Variants in ARID2 observed in about 807,000 individuals in gnomAD.
The protein encoded by ARID2 is AT-rich interaction domain 2, also known as AT-rich interactive domain-containing protein 2.
A neutral mutation model predicts 184.6 loss-of-function variants in ARID2; 32 were observed. That is an observed-to-expected ratio of 0.17 (90% CI 0.13 to 0.23). The LOEUF (loss-of-function observed/expected upper bound fraction) is 0.23. Ranked by LOEUF, ARID2 falls within the 10% of genes least tolerant of loss-of-function variation. The pLI is 1.00. For synonymous variants in ARID2, 836 were observed against 772.6 expected (o/e 1.08, Z -1.36); for missense variants, 1,696 against 2,197.6 (o/e 0.77, Z 4.56).
chr12:45,841,442 C>G (rs999695823), intron 11 of ARID2: 1 of 151,316 alleles, frequency 6.6e-6, no homozygotes, highest in South Asian at 2.1e-4. Flanking sequence ...ATTACTTGTG[C>G]TCTCCCTGAA....
intron 16 of ARID2, among the ~76,000 whole-genome samples, chr12:45,874,968 T>C (rs1000589337): frequency 6.6e-6 from 1 of 151,842 alleles, no homozygotes; most frequent in Non-Finnish European, 1.5e-5. Flanking sequence ...ACAAAAAAAA[T>C]AAAAAATAGG....
At chr12:45,778,782 A>G (rs2138035476) in intron 3 of ARID2, among the ~76,000 whole-genome samples, 2 of 152,158 alleles carry the variant, frequency 1.3e-5, no homozygotes, top group South Asian at 4.1e-4. Flanking sequence ...TTGGAAAATA[A>G]TGGGCTGTTT....
At chr12:45,789,336 T>A (rs913164454) in intron 3 of ARID2, 5 of 152,222 alleles carry the variant, frequency 3.3e-5, no homozygotes, top group African/African-American at 1.2e-4. Flanking sequence ...TCTTCAGATG[T>A]TAGCCTTCTA....
rs368570402 is a variant in ARID2 at position 45,891,760 on chromosome 12, A to T, written c.4923-20A>T. 2.5e-6 allele frequency: 4 copies of T among 1,608,168 alleles called. No individual in the cohort carries two copies. In the African/African-American group the frequency reaches 4.0e-5, roughly 16 times the overall value. ...TATACTTGAATACATCCAAGTGTCT[A>T]CTACTTTTATTTTTTATAGGTGGTT... is the stretch of plus-strand genomic sequence containing the variant. On this transcript the variant is annotated intron_variant, in intron 16 of 20. Transcript: ENST00000334344.
intron 3 of ARID2, among the ~76,000 whole-genome samples, chr12:45,757,712 G>T (rs909859418): frequency 1.8e-4 from 27 of 152,146 alleles, no homozygotes; most frequent in African/African-American, 6.5e-4. Context: ...AAAGTCTGAA[G>T]ATTATGAACC....
rs772792570 is a variant in ARID2 at position 45,851,988 on chromosome 12, C to G, written c.3865C>G (p.His1289Asp). ...SNGDTKENEM[H>D]VGSLLNGRKY... Reference sequence around the variant, plus strand: ...TGGGGATACAAAGGAAAATGAAATGCATGTGGGAAGTCTTTTAAATGGGAG... The same window carrying G: ...TGGGGATACAAAGGAAAATGAAATGGATGTGGGAAGTCTTTTAAATGGGAG... The change falls in exon 15 of 21, where the codon CAT (histidine) becomes GAT (aspartate). Residue 1289 changes from histidine (H) to aspartate (D), a missense_variant. Physicochemically the swap from His to Asp is moderately conservative, Grantham distance 81. This residue lies in a region of ARID2 where 428 missense variants were observed against 409.1 expected (regional missense o/e 1.05). Transcript: ENST00000334344. The G allele has an allele frequency of 2.2e-5, 36 of 1,613,968 alleles. No homozygotes were observed. Among genetic ancestry groups the G allele is most frequent in the Non-Finnish European group, 8.5e-6 (10 of 1,180,002 alleles).
chr12:45,736,610 G>A (rs1941130551), intron 3 of ARID2, among the ~76,000 whole-genome samples: 1 of 152,148 alleles, frequency 6.6e-6, no homozygotes, highest in South Asian at 2.1e-4. Context: ...AGGACATAGA[G>A]GATAAATGGA....
chr12:45,846,743 A>C (rs1943449422), intron 11 of ARID2, 113 bp from the exon 12 acceptor site: 1 of 856,252 alleles, frequency 1.2e-6, no homozygotes, highest in East Asian at 2.6e-5. Flanking sequence ...ATGTTTATAC[A>C]CCTTTTAAAA....
rs369438191 is a variant in ARID2 at position 45,851,812 on chromosome 12, G to A, written c.3689G>A (p.Cys1230Tyr). 43 of 1,614,016 alleles carry A rather than the reference G, an allele frequency of 2.7e-5. No homozygotes were observed. Among genetic ancestry groups the A allele is most frequent in the Non-Finnish European group, 3.6e-5 (42 of 1,180,022 alleles). ...TQASPAGQSS[C>Y]TTATPPFKGD... ...GCATCTCCTGCTGGACAATCATCAT[G>A]TACTACTGCTACTCCCCCATTCAAA... is the stretch of plus-strand genomic sequence containing the variant. Residue 1230 changes from cysteine (C) to tyrosine (Y), a missense_variant, in exon 15 of 21, where the codon TGT becomes TAT. Around this residue, in one of 11 missense-constraint regions of ARID2, gnomAD observed 428 missense variants for 409.1 expected, o/e 1.05. Transcript: ENST00000334344.
intron 20 of ARID2, among the ~76,000 whole-genome samples, chr12:45,900,430 A>C (rs924021708): frequency 1.3e-5 from 2 of 152,176 alleles, no homozygotes; most frequent in Admixed American, 6.5e-5. Context: ...TTACGGGCCT[A>C]ATACTGATTG....
At chr12:45,811,636 C>G (rs1942710765) in intron 4 of ARID2, 85 bp downstream of exon 4, 1 of 1,443,836 alleles carries the variant, frequency 6.9e-7, no homozygotes, top group South Asian at 1.4e-5. Context: ...TAGTCCCTTC[C>G]TTTGCACATG....
At chr12:45,872,659 G>C (rs934256359) in intron 16 of ARID2, among the ~76,000 whole-genome samples, 2 of 152,196 alleles carry the variant, frequency 1.3e-5, no homozygotes, top group African/African-American at 4.8e-5. Context: ...ACTATCAGGA[G>C]AACAGCAGCA....
Position 45,852,314 on chromosome 12 carries a change from G to A in ARID2, c.4191G>A (p.Gly1397=), listed in dbSNP as rs2138177761. The part of the protein sequence containing the change: ...NGEISPMEPQ[G]TLDITQQDTA... ...AGATATCTCCAATGGAACCACAAGG[G>A]ACTTTAGATATCACTCAGCAAGATA... Residue 1397 remains glycine (G), a synonymous_variant, in exon 15 of 21, where the codon GGG becomes GGA. Transcript: ENST00000334344. 4 of 1,614,106 alleles carry A rather than the reference G, an allele frequency of 2.5e-6. No homozygotes were observed. The highest frequency in any genetic ancestry group is 2.5e-6 in the Non-Finnish European group (3 of 1,179,998).
At chr12:45,840,694 T>C (rs1251921551) in intron 11 of ARID2, 1 of 152,224 alleles carries the variant, frequency 6.6e-6, no homozygotes, top group Non-Finnish European at 1.5e-5. Context: ...ATGAATGAGA[T>C]TGAACTCTCA....
At position 45,839,310 on chromosome 12, in the gene ARID2, T is replaced by A. The variant is rs548398145; in HGVS notation, c.1331-19T>A. 3 of 1,589,316 alleles carry A rather than the reference T, an allele frequency of 1.9e-6. No homozygotes were observed. Among genetic ancestry groups the A allele is most frequent in the Non-Finnish European group, 2.6e-6 (3 of 1,168,022 alleles). ...TATAATATTATTGACTAATAACTAT[T>A]GCTTTTTATTTATTTTAGACATGTT... On this transcript the variant is annotated intron_variant, in intron 10 of 20. Coordinates refer to ENST00000334344, the MANE Select transcript of ARID2 (RefSeq NM_152641.4).
At chr12:45,880,594 G>A (rs1944084168) in intron 16 of ARID2, among the ~76,000 whole-genome samples, 1 of 152,170 alleles carries the variant, frequency 6.6e-6, no homozygotes, top group Non-Finnish European at 1.5e-5. Flanking sequence ...TTGCCTCATG[G>A]ATAAGATGGG....
chr12:45,770,678 C>T, intron 3 of ARID2, among the ~76,000 whole-genome samples: 1 of 152,112 alleles, frequency 6.6e-6, no homozygotes, highest in South Asian at 2.1e-4. Context: ...TTTTTATGGC[C>T]TCAGAATAGG....
At position 45,806,508 on chromosome 12, in the gene ARID2, A is replaced by G. The variant is rs571592865; in HGVS notation, c.285-4910A>G. The stretch of plus-strand genomic sequence containing the variant: ...AAATTTTTTCTGTGTTTGAGCTTTT[A>G]TTTATCATACATATCTTTCATTTTT... On this transcript the variant is annotated intron_variant, in intron 3 of 20. Transcript: ENST00000334344. Among the ~76,000 whole-genome samples, 35 of 152,022 alleles carry G rather than the reference A, an allele frequency of 2.3e-4. 1 individual carries two copies. The highest frequency in any genetic ancestry group is 8.4e-4 in the African/African-American group (35 of 41,466).
intron 6 of ARID2, among the ~76,000 whole-genome samples, chr12:45,833,978 T>C (rs1005938130): frequency 6.6e-6 from 1 of 152,216 alleles, no homozygotes; most frequent in Non-Finnish European, 1.5e-5. Flanking sequence ...CTGTGCTCTG[T>C]TCAGTGTTTT....
Sources: allele counts gnomAD v4.1 joint callset (sites outside exome capture counted in the v4.1 genomes callset), GRCh38; gene constraint gnomAD v4.1.1; regional missense constraint gnomAD v4.1.1; transcripts MANE v1.5; gene names NCBI Gene and HGNC (gene_info 2026-07-23, HGNC 2026-07-21).